ARHGEF40: variants seen among roughly 807,000 people sequenced by gnomAD.
ARHGEF40 encodes Rho guanine nucleotide exchange factor (GEF) 40.
ARHGEF40 carries 98 observed loss-of-function variants against 165.9 expected under a neutral mutation model. The observed-to-expected ratio is 0.59, with a 90% confidence interval of 0.50 to 0.70. The LOEUF (loss-of-function observed/expected upper bound fraction) is 0.70, where lower values mean the gene tolerates loss of function less well. Ranked by LOEUF, ARHGEF40 falls within the 30% of genes least tolerant of loss-of-function variation. The probability of loss-of-function intolerance (pLI) is 0.00; values close to 1 mark genes in which losing one functional copy is unlikely to be tolerated. For missense variants in ARHGEF40, 1,815 were observed against 1,968.0 expected (o/e 0.92, Z 1.47); for synonymous variants, 792 against 814.3 (o/e 0.97, Z 0.47).
At chr14:21,082,620 A>C (rs1888014514) in intron 15 of ARHGEF40, 142 bp downstream of exon 15, 1 of 1,127,502 alleles carries the variant, frequency 8.9e-7, no homozygotes, top group African/African-American at 1.6e-5. Context: ...TTCTGTGGGC[A>C]CTTCTGCCTC....
At chr14:21,080,131 C>T (rs975074128) in intron 11 of ARHGEF40, among the ~76,000 whole-genome samples, 1 of 151,660 alleles carries the variant, frequency 6.6e-6, no homozygotes, top group African/African-American at 2.4e-5. Flanking sequence ...ATTACCATCC[C>T]GTTCTGGTCA....
rs1887991397 is a variant in ARHGEF40 at position 21,082,313 on chromosome 14, A to G, written c.3321A>G (p.Pro1107=). 6.2e-7 allele frequency: 1 copy of G among 1,613,170 alleles called. No homozygotes were observed. The highest frequency in any genetic ancestry group is 8.5e-7 in the Non-Finnish European group (1 of 1,179,754). Residue 1107 remains proline, a synonymous_variant, in exon 15 of 24, where the codon CCA becomes CCG. Coordinates refer to ENST00000298694, the MANE Select transcript of ARHGEF40 (RefSeq NM_018071.5). The part of the protein sequence containing the change: ...EQDYVATLSE[P]VPPPGPELTP... The stretch of plus-strand genomic sequence containing the variant: ...ATTACGTGGCCACCTTGAGTGAGCC[A>G]GTGCCACCCCCTGGGCCTGAGCTGA...
intron 10 of ARHGEF40, 51 bp downstream of exon 10, chr14:21,078,539 A>C: frequency 6.6e-7 from 1 of 1,503,834 alleles, no homozygotes; most frequent in Non-Finnish European, 9.0e-7. Flanking sequence ...GTGGAGACAC[A>C]GCTGAAGGCT....
At chr14:21,070,279 C>G, upstream of ARHGEF40, 1 of 1,113,312 alleles carries the variant, frequency 9.0e-7, no homozygotes, top group Non-Finnish European at 1.1e-6. This position sits in a 1 kb window ranked among gnomAD's most constrained non-coding sequence, Gnocchi z 4.7. Context: ...CGAGCCGCCA[C>G]CGCGGCCGGA....
At chr14:21,064,688 AG>A in the ARHGEF40 span, among the ~76,000 whole-genome samples, 1 of 152,282 alleles carries the variant, frequency 6.6e-6, no homozygotes, top group African/African-American at 2.4e-5. Flanking sequence ...TGAAGAAAGC[AG>A]AACACAAAAC....
rs2139214975 is a variant in ARHGEF40, at chr14:21,074,513, C to T, written c.783C>T (p.Gly261=). 4 of 1,549,200 alleles carry T rather than the reference C, an allele frequency of 2.6e-6. No individual in the cohort carries two copies. The highest frequency in any genetic ancestry group is 4.6e-5 in the East Asian group (2 of 43,294). Residue 261 remains glycine (G), a synonymous_variant, in exon 3 of 24, where the codon GGC becomes GGT. Transcript: ENST00000298694. The surrounding 1 kb of genome is among the most constrained non-coding windows in gnomAD (Gnocchi z 4.8). ...PVRGSPTDAE[G]SPGLSRVRTV... ...GGGGGAGCCCAACAGATGCTGAAGGCTCCCCAGGCCTCTCCAGAGTCCGGA... is the reference window on the plus strand; with the variant it reads ...GGGGGAGCCCAACAGATGCTGAAGGTTCCCCAGGCCTCTCCAGAGTCCGGA...
chr14:21,068,177 T>G, upstream of ARHGEF40, among the ~76,000 whole-genome samples: 2 of 48,606 alleles, frequency 4.1e-5, 1 homozygote, highest in Non-Finnish European at 1.2e-4. Context: ...TTTTTTGTAT[T>G]TTTAGTAGAG....
At chr14:21,062,948 TAAA>T in the ARHGEF40 span, among the ~76,000 whole-genome samples, 9 of 128,140 alleles carry the variant, frequency 7.0e-5, no homozygotes, top group Admixed American at 2.3e-4. Flanking sequence ...ACCTTGTCTC[TAAA>T]AAAAAAAAAA....
upstream of ARHGEF40, among the ~76,000 whole-genome samples, chr14:21,068,648 C>G (rs530381309): frequency 6.6e-6 from 1 of 152,182 alleles, no homozygotes; most frequent in Admixed American, 6.5e-5. Flanking sequence ...TCCTAGCTCG[C>G]GGGCCCTCGT....
Position 21,070,482 on chromosome 14 carries a change from T to C in ARHGEF40, c.3+83T>C. ...GCCCCCAAGTCCTCAGCCTGGTGCCTCCCGAGCCTGCCTCGGACTGTTCGG... is the reference window on the plus strand; with the variant it reads ...GCCCCCAAGTCCTCAGCCTGGTGCCCCCCGAGCCTGCCTCGGACTGTTCGG... On this transcript the variant is annotated intron_variant, in intron 1 of 23. Coordinates refer to ENST00000298694, the MANE Select transcript of ARHGEF40 (RefSeq NM_018071.5). The surrounding 1 kb of genome is among the most constrained non-coding windows in gnomAD (Gnocchi z 4.7). 1 of 1,343,074 alleles carries C rather than the reference T, an allele frequency of 7.4e-7. No homozygotes were observed. The highest frequency in any genetic ancestry group is 1.9e-5 in the South Asian group (1 of 51,724). The allele number at this position is 1,343,074 out of a possible 1,614,324, so 83.2% of individuals were successfully genotyped here.
chr14:21,075,396 A>G lies in ARHGEF40; in HGVS notation c.1515A>G (p.Glu505=), dbSNP rs1477787633. The change falls in exon 4 of 24, where the codon GAA becomes GAG. Residue 505 remains glutamate, a synonymous_variant. Coordinates refer to ENST00000298694, the MANE Select transcript of ARHGEF40 (RefSeq NM_018071.5). This position sits in a 1 kb window ranked among gnomAD's most constrained non-coding sequence, Gnocchi z 4.5. ...TPTPPLETVQ[E]GKGDNIPEEA... ...CACCTCCGCTGGAGACTGTGCAGGA[A>G]GGAAAAGGGGACAACATTCCAGAAG... 6.2e-7 allele frequency: 1 copy of G among 1,614,206 alleles called. No individual in the cohort carries two copies. Among genetic ancestry groups the G allele is most frequent in the South Asian group, 1.1e-5 (1 of 91,088 alleles).
In ARHGEF40 at chr14:21,084,927, C is replaced by T. The variant is rs374003375; in HGVS notation, c.3960+4C>T. 51 of 1,613,090 alleles carry T rather than the reference C, an allele frequency of 3.2e-5. No individual in the cohort carries two copies. In the African/African-American group the frequency reaches 4.9e-4, roughly 16 times the overall value. ...TGTTTACAAGCAGGCCTTTAAGGTA[C>T]GATTCCTGGAGTGAGTGGTGGAGGT... On this transcript the variant is annotated splice_donor_region_variant and intron_variant, in intron 18 of 23. Coordinates refer to ENST00000298694, the MANE Select transcript of ARHGEF40 (RefSeq NM_018071.5).
rs763416929 is a variant in ARHGEF40 at position 21,075,587 on chromosome 14, A to G, written c.1619-58A>G. The G allele has an allele frequency of 1.1e-4, 174 of 1,613,722 alleles. No individual in the cohort carries two copies. The highest frequency in any genetic ancestry group is 1.4e-4 in the Non-Finnish European group (169 of 1,179,976). ...TGGGGACTGGGGGAGGCAGGGTGGA[A>G]AGGAGGTAGGCATGGACTGCTCCCA... On this transcript the variant is annotated intron_variant, in intron 4 of 23. Transcript: ENST00000298694. This position sits in a 1 kb window ranked among gnomAD's most constrained non-coding sequence, Gnocchi z 4.5.
chr14:21,081,684 G>A lies in ARHGEF40; in HGVS notation c.2816G>A (p.Gly939Asp), dbSNP rs761467308. ...LGSPAALREW[G>D]RCQARCQELE... The stretch of plus-strand genomic sequence containing the variant: ...AGCCCAGCAGCCCTGCGAGAATGGG[G>A]CCGCTGCCAGGCCCGCTGCCAAGAG... Residue 939 changes from glycine to aspartate, a missense_variant, in exon 14 of 24, where the codon GGC (glycine) becomes GAC (aspartate). Coordinates refer to ENST00000298694, the MANE Select transcript of ARHGEF40 (RefSeq NM_018071.5). The A allele has an allele frequency of 1.9e-6, 3 of 1,588,932 alleles. No individual in the cohort carries two copies. Among genetic ancestry groups the A allele is most frequent in the East Asian group, 2.3e-5 (1 of 43,650 alleles).
intron 19 of ARHGEF40, chr14:21,086,716 T>G: frequency 2.6e-6 from 1 of 387,748 alleles, no homozygotes; most frequent in Middle Eastern, 7.5e-4. Context: ...GTGCTCTTAA[T>G]GCCCAAGATG....
Position 21,075,710 on chromosome 14 carries a change from C to T in ARHGEF40, c.1684C>T (p.Pro562Ser), listed in dbSNP as rs555231625. 108 of 1,613,756 alleles carry T rather than the reference C, an allele frequency of 6.7e-5. 1 individual carries two copies. In the Middle Eastern group the frequency reaches 8.5e-4, roughly 13 times the overall value. The part of the protein sequence containing the change: ...ITPPCPPEEP[P>S]PSRDTLNTTL... Reference sequence around the variant, plus strand: ...CCCACCGTGCCCTCCTGAGGAGCCCCCACCCTCCCGAGACACGCTGAACAC... The same window carrying T: ...CCCACCGTGCCCTCCTGAGGAGCCCTCACCCTCCCGAGACACGCTGAACAC... Residue 562 changes from proline (P) to serine (S), a missense_variant, in exon 5 of 24, where the codon CCA becomes TCA. Transcript: ENST00000298694. This position sits in a 1 kb window ranked among gnomAD's most constrained non-coding sequence, Gnocchi z 4.5.
Position 21,074,713 on chromosome 14 carries a change from C to A in ARHGEF40, c.983C>A (p.Ala328Glu), listed in dbSNP as rs1887262997. 1.3e-6 allele frequency: 2 copies of A among 1,598,400 alleles called. No homozygotes were observed. The highest frequency in any genetic ancestry group is 1.7e-6 in the Non-Finnish European group (2 of 1,173,482). ...CCAGGAGCTGAGGCTGTCCCAGAGG[C>A]AGCAGTCTTGGAGGTGTCTGAGCCC... ...SPPGAEAVPE[A>E]AVLEVSEPPA... Residue 328 changes from alanine to glutamate, a missense_variant, in exon 3 of 24, where the codon GCA (alanine) becomes GAA (glutamate). Physicochemically the swap from Ala to Glu is moderately radical, Grantham distance 107 (BLOSUM62 -1). Transcript: ENST00000298694. The surrounding 1 kb of genome is among the most constrained non-coding windows in gnomAD (Gnocchi z 4.8).
At chr14:21,081,309 CT>C in intron 13 of ARHGEF40, 199 bp from the exon 14 acceptor site, 1 of 832,868 alleles carries the variant, frequency 1.2e-6, no homozygotes, top group Non-Finnish European at 1.8e-6. Flanking sequence ...ACCGGTTATT[CT>C]TTTATATAGG....
chr14:21,073,583 C>G lies in ARHGEF40; in HGVS notation c.201+341C>G, dbSNP rs1012371178. Reference sequence around the variant, plus strand: ...TTCTCAAGACACTAACTCCCCCGTACATTAGTCAACAGAGATCATTCATTT... The same window carrying G: ...TTCTCAAGACACTAACTCCCCCGTAGATTAGTCAACAGAGATCATTCATTT... On this transcript the variant is annotated intron_variant, in intron 2 of 23. Transcript: ENST00000298694. This position sits in a 1 kb window ranked among gnomAD's most constrained non-coding sequence, Gnocchi z 4.6. Among the ~76,000 whole-genome samples the G allele has an allele frequency of 6.6e-6, 1 of 152,134 alleles. No homozygotes were observed. Among genetic ancestry groups the G allele is most frequent in the Non-Finnish European group, 1.5e-5 (1 of 68,036 alleles).
Sources: gnomAD v4.1 joint callset for allele counts (sites outside exome capture counted in the v4.1 genomes callset) on GRCh38, gnomAD v4.1.1 for gene constraint, Gnocchi (gnomAD v3.1) non-coding constraint, MANE v1.5 for transcripts, NCBI Gene and HGNC (gene_info 2026-07-23, HGNC 2026-07-21) for gene names.